The following CEP295 variants were observed in gnomAD, a reference collection of about 807,000 sequenced individuals.
CEP295 encodes centrosomal protein of 295 kDa.
CEP295 carries 190 observed loss-of-function variants against 291.6 expected under a neutral mutation model. That is an observed-to-expected ratio of 0.65 (90% CI 0.58 to 0.73). The LOEUF (loss-of-function observed/expected upper bound fraction) is 0.73. Ranked by LOEUF, CEP295 falls within the 30% of genes least tolerant of loss-of-function variation. CEP295 has a pLI of 0.00. For synonymous variants in CEP295, 993 were observed against 1,038.8 expected, an observed-to-expected ratio of 0.96 and a Z score of 0.85; for missense variants, 2,863 against 2,949.4, an observed-to-expected ratio of 0.97 and a Z score of 0.68.
At chr11:93,728,027 C>T (rs569032123) in intron 24 of CEP295, 1 of 169,944 alleles carries the variant, frequency 5.9e-6, no homozygotes, top group Admixed American at 5.9e-5. Context: ...TGCTTCAGCA[C>T]TTTCAGTGTT....
chr11:93,727,201 CTGATGAAGCTAATGTATT>C lies in CEP295; in HGVS notation c.6730_6747del (p.Glu2244_Asp2249del). ...AACTTAAGTTCAGTCTACAGTTCAT[CTGATGAAGCTAATGTATT>C]TGATCAGTTAAATGTACAGCATAGC... On this transcript the variant is annotated inframe_deletion, in exon 24 of 30. Transcript: ENST00000325212. 6.4e-7 allele frequency: 1 copy of C among 1,551,360 alleles called. No homozygotes were observed. The highest frequency in any genetic ancestry group is 8.7e-7 in the Non-Finnish European group (1 of 1,146,804).
chr11:93,676,388 T>C (rs1295669383), intron 6 of CEP295, among the ~76,000 whole-genome samples: 2 of 152,050 alleles, frequency 1.3e-5, no homozygotes, highest in African/African-American at 4.8e-5. Flanking sequence ...ATTGTTATTA[T>C]AATTGCTATT....
At position 93,697,710 on chromosome 11, in the gene CEP295, A is replaced by G. The variant is rs2135106248; in HGVS notation, c.2798A>G (p.Gln933Arg). 4 of 1,551,738 alleles carry G rather than the reference A, an allele frequency of 2.6e-6. No individual in the cohort carries two copies. In the East Asian group the frequency reaches 9.8e-5, roughly 38 times the overall value. The change falls in exon 15 of 30, where the codon CAG becomes CGG. Residue 933 changes from glutamine to arginine, a missense_variant. This residue lies in a region of CEP295 where 2,295 missense variants were observed against 2,335.7 expected (regional missense o/e 0.98). Coordinates refer to ENST00000325212, the MANE Select transcript of CEP295 (RefSeq NM_033395.2). ...GACCATCATGTGATCTCACAACTTC[A>G]GGATAAGCGTTTGAGTCTTTCACAG... ...SSDHHVISQLQDKRLSLSQPI... is the reference protein window; with the variant it reads ...SSDHHVISQLRDKRLSLSQPI...
At position 93,728,731 on chromosome 11, in the gene CEP295, A is replaced by C; in HGVS notation, c.7212A>C (p.Ile2404=). ...GIMEEPELTL[I]STTDTSIAEM... ...TGGAAGAACCAGAACTTACTTTAATAAGCACCACTGATACCAGTATTGCTG... is the reference window on the plus strand; with the variant it reads ...TGGAAGAACCAGAACTTACTTTAATCAGCACCACTGATACCAGTATTGCTG... Residue 2404 remains isoleucine, a synonymous_variant, in exon 25 of 30, where the codon ATA becomes ATC. Coordinates refer to ENST00000325212, the MANE Select transcript of CEP295 (RefSeq NM_033395.2). 1 of 1,550,284 alleles carries C rather than the reference A, an allele frequency of 6.5e-7. No individual in the cohort carries two copies.
In CEP295 at chr11:93,684,042, T is replaced by C. The variant is rs1420557170; in HGVS notation, c.1028T>C (p.Leu343Pro). The C allele has an allele frequency of 6.4e-7, 1 of 1,551,810 alleles. No individual in the cohort carries two copies. The highest frequency in any genetic ancestry group is 8.7e-7 in the Non-Finnish European group (1 of 1,146,990). The change falls in exon 9 of 30, where the codon CTG becomes CCG. Residue 343 changes from leucine to proline, a missense_variant. Physicochemically the swap from Leu to Pro is moderately conservative, Grantham distance 98 (BLOSUM62 -3). This residue lies in a region of CEP295 where 554 missense variants were observed against 576.0 expected (regional missense o/e 0.96). Coordinates refer to ENST00000325212, the MANE Select transcript of CEP295 (RefSeq NM_033395.2). ...TVTNQIQDEELDLSMEQENLG... is the reference protein window; with the variant it reads ...TVTNQIQDEEPDLSMEQENLG... ...ACTAATCAGATCCAAGATGAAGAGC[T>C]GGACCTTTCAATGGAACAAGAAAAT...
Position 93,683,971 on chromosome 11 carries a change from A to G in CEP295, c.957A>G (p.Lys319=). Residue 319 remains lysine, a synonymous_variant, in exon 9 of 30, where the codon AAA becomes AAG. Transcript: ENST00000325212. ...EDMYNADRKV[K]GNLILHLEPE... ...CTATTTTTCTTTTTTAAGAGGTGAA[A>G]GGGAATCTGATTCTGCACCTTGAAC... The G allele has an allele frequency of 1.3e-6, 2 of 1,548,954 alleles. No individual in the cohort carries two copies. The highest frequency in any genetic ancestry group is 1.7e-6 in the Non-Finnish European group (2 of 1,146,468).
At chr11:93,721,190 A>G in intron 18 of CEP295, 122 bp from the exon 19 acceptor site, 1 of 637,200 alleles carries the variant, frequency 1.6e-6, no homozygotes, top group South Asian at 2.0e-5. Flanking sequence ...AACTTTAAGA[A>G]GCAAAATGAG....
Position 93,699,212 on chromosome 11 carries a change from G to A in CEP295, c.4300G>A (p.Glu1434Lys). 2 of 1,551,870 alleles carry A rather than the reference G, an allele frequency of 1.3e-6. No homozygotes were observed. The highest frequency in any genetic ancestry group is 1.7e-6 in the Non-Finnish European group (2 of 1,147,026). The part of the protein sequence containing the change: ...SDNIVSSGHS[E>K]IPTLPDGLLG... ...TAATATAGTATCCTCAGGTCACTCAGAGATACCAACATTGCCTGATGGGCT... is the reference window on the plus strand; with the variant it reads ...TAATATAGTATCCTCAGGTCACTCAAAGATACCAACATTGCCTGATGGGCT... The change falls in exon 15 of 30, where the codon GAG becomes AAG. Residue 1434 changes from glutamate (E) to lysine (K), a missense_variant. This residue lies in a region of CEP295 where 2,295 missense variants were observed against 2,335.7 expected (regional missense o/e 0.98). Coordinates refer to ENST00000325212, the MANE Select transcript of CEP295 (RefSeq NM_033395.2).
At position 93,697,561 on chromosome 11, in the gene CEP295, G is replaced by A. The variant is rs754490966; in HGVS notation, c.2649G>A (p.Thr883=). ...LCKQKEVEQQ[T]GLSVFLPLVT... ...AACAGAAAGAAGTGGAACAGCAAAC[G>A]GGCCTCTCGGTATTCCTTCCCTTGG... Residue 883 remains threonine (T), a synonymous_variant, in exon 15 of 30, where the codon ACG becomes ACA. Coordinates refer to ENST00000325212, the MANE Select transcript of CEP295 (RefSeq NM_033395.2). The A allele has an allele frequency of 2.4e-5, 38 of 1,551,572 alleles. No individual in the cohort carries two copies. In the Admixed American group the frequency reaches 3.1e-4, roughly 13 times the overall value.
intron 7 of CEP295, among the ~76,000 whole-genome samples, chr11:93,679,911 G>A (rs772278788): frequency 1.2e-4 from 18 of 152,290 alleles, no homozygotes; most frequent in Non-Finnish European, 2.2e-4. Context: ...ATTGAGCAAA[G>A]CACTTGTTGG....
chr11:93,686,349 A>T (rs979383840), intron 9 of CEP295, among the ~76,000 whole-genome samples: 2 of 152,086 alleles, frequency 1.3e-5, no homozygotes, highest in African/African-American at 2.4e-5. Flanking sequence ...TTACTCTTTC[A>T]TGCAGCTTTT....
intron 20 of CEP295, 158 bp from the exon 21 acceptor site, chr11:93,722,883 G>C: frequency 1.8e-6 from 1 of 553,626 alleles, no homozygotes; most frequent in Non-Finnish European, 3.2e-6. Flanking sequence ...GCTGATTTTT[G>C]TATTTTTAGT....
At chr11:93,696,624 CAT>C (rs1356443380) in intron 14 of CEP295, 56 bp from the exon 15 acceptor site, 2 of 1,417,258 alleles carry the variant, frequency 1.4e-6, no homozygotes, top group Non-Finnish European at 1.9e-6. Context: ...AATGTATAGA[CAT>C]GGGGCTTTTT....
rs550412512 is a variant in CEP295 at position 93,679,405 on chromosome 11, C to G, written c.625-7C>G. ...AATTTTGCCTACAATTTTTGATTGA[C>G]TGCTAGCCAGATGCTCGTTTGGCTG... On this transcript the variant is annotated splice_polypyrimidine_tract_variant and splice_region_variant and intron_variant, in intron 6 of 29. Transcript: ENST00000325212. 6.5e-7 allele frequency: 1 copy of G among 1,545,484 alleles called. No individual in the cohort carries two copies. The highest frequency in any genetic ancestry group is 1.2e-5 in the South Asian group (1 of 82,760).
chr11:93,688,582 T>C (rs1384185739), intron 10 of CEP295, among the ~76,000 whole-genome samples: 2 of 152,194 alleles, frequency 1.3e-5, no homozygotes, highest in African/African-American at 4.8e-5. Flanking sequence ...TCACTTGGTT[T>C]TCGTACTTTA....
At position 93,729,109 on chromosome 11, in the gene CEP295, C is replaced by G. The variant is rs1232541243; in HGVS notation, c.7302+288C>G. On this transcript the variant is annotated intron_variant, in intron 25 of 29. Transcript: ENST00000325212. ...TGGAAGTTTTACCTAAACTTATTCCCAGATATTGAAAAATGACTTCAGAAC... is the reference window on the plus strand; with the variant it reads ...TGGAAGTTTTACCTAAACTTATTCCGAGATATTGAAAAATGACTTCAGAAC... The G allele has an allele frequency of 6.1e-6, 3 of 490,434 alleles. No individual in the cohort carries two copies. The Admixed American group carries it at 1.1e-4, about 18-fold the overall frequency. The allele number at this position is 490,434 out of a possible 1,614,324, so 30.4% of individuals were successfully genotyped here. A position where few individuals can be genotyped will look rare whatever the true frequency, so the allele number is the denominator to read the frequency against.
intron 17 of CEP295, 54 bp downstream of exon 17, chr11:93,702,973 C>CA (rs1250838887): frequency 1.1e-5 from 15 of 1,401,832 alleles, no homozygotes; most frequent in Non-Finnish European, 1.3e-5. Context: ...CAGTTTTCTA[C>CA]TTTTTTTTTA....
In CEP295 at chr11:93,665,721, A is replaced by G. The variant is rs192909126; in HGVS notation, c.-26-961A>G. Among the ~76,000 whole-genome samples the G allele has an allele frequency of 4.7e-3, 720 of 152,364 alleles. 6 individuals are homozygous for G. Among genetic ancestry groups the G allele is most frequent in the African/African-American group, 0.015 (642 of 41,582 alleles). On this transcript the variant is annotated intron_variant, in intron 1 of 29. Coordinates refer to ENST00000325212, the MANE Select transcript of CEP295 (RefSeq NM_033395.2). ...AGACTCCATCTCAAAAAAAAGAAGAATAGATCTGGAAAACTAAACGCTTGA... is the reference window on the plus strand; with the variant it reads ...AGACTCCATCTCAAAAAAAAGAAGAGTAGATCTGGAAAACTAAACGCTTGA...
rs777922090 is a variant in CEP295 at position 93,698,643 on chromosome 11, T to C, written c.3731T>C (p.Leu1244Ser). 1.3e-6 allele frequency: 2 copies of C among 1,551,064 alleles called. No homozygotes were observed. The highest frequency in any genetic ancestry group is 2.4e-5 in the South Asian group (2 of 84,056). ...PKIPRCQERLLRVSQHMLPLQ... is the reference protein window; with the variant it reads ...PKIPRCQERLSRVSQHMLPLQ... ...ATCCCAAGATGTCAGGAAAGACTTT[T>C]GAGAGTTTCACAACATATGCTACCT... Residue 1244 changes from leucine to serine, a missense_variant, in exon 15 of 30, where the codon TTG becomes TCG. By Grantham distance (145) the Leu-to-Ser change is moderately radical. Coordinates refer to ENST00000325212, the MANE Select transcript of CEP295 (RefSeq NM_033395.2).
Sources: gnomAD v4.1 joint callset for allele counts (sites outside exome capture counted in the v4.1 genomes callset) on GRCh38, gnomAD v4.1.1 for gene constraint, gnomAD v4.1.1 regional missense constraint, MANE v1.5 for transcripts, NCBI Gene and HGNC (gene_info 2026-07-23, HGNC 2026-07-21) for gene names.